ITPRID2: variants seen among roughly 807,000 people sequenced by gnomAD.
ITPRID2 encodes protein ITPRID2.
ITPRID2 carries 60 observed loss-of-function variants against 124.3 expected under a neutral mutation model. That is an observed-to-expected ratio of 0.48 (90% CI 0.39 to 0.60). The LOEUF (loss-of-function observed/expected upper bound fraction) is 0.60, where lower values mean the gene tolerates loss of function less well. Ranked by LOEUF, ITPRID2 falls within the 20% of genes least tolerant of loss-of-function variation. ITPRID2 has a pLI of 0.00. For synonymous variants in ITPRID2, 521 were observed against 542.9 expected, an observed-to-expected ratio of 0.96 and a Z score of 0.56; for missense variants, 1,553 against 1,512.2, an observed-to-expected ratio of 1.03 and a Z score of -0.45.
At chr2:181,918,158 T>G (rs765192740) in intron 11 of ITPRID2, 60 of 277,576 alleles carry the variant, frequency 2.2e-4, no homozygotes, top group Non-Finnish European at 3.1e-4. Context: ...ACCTTTTATG[T>G]TTTTATCTCA....
At chr2:181,923,668 G>A (rs1694649982) in intron 16 of ITPRID2, among the ~76,000 whole-genome samples, 1 of 151,812 alleles carries the variant, frequency 6.6e-6, no homozygotes, top group East Asian at 1.9e-4. Context: ...GAGGAAGTGG[G>A]TTTTAAGGTA....
chr2:181,922,092 G>C lies in ITPRID2; in HGVS notation c.3355G>C (p.Gly1119Arg). Residue 1119 changes from glycine (G) to arginine (R), a missense_variant, in exon 16 of 18, where the codon GGT (glycine) becomes CGT (arginine). Transcript: ENST00000431877. ...ATCAGAATCATCTTCTGTATGTTCTGGTCCCTCTCATGCTAACAGAAGAAC... is the reference window on the plus strand; with the variant it reads ...ATCAGAATCATCTTCTGTATGTTCTCGTCCCTCTCATGCTAACAGAAGAAC... The part of the protein sequence containing the change: ...ATSESSSVCS[G>R]PSHANRRTGV... 3 of 1,614,158 alleles carry C rather than the reference G, an allele frequency of 1.9e-6. No homozygotes were observed. Among genetic ancestry groups the C allele is most frequent in the East Asian group, 2.2e-5 (1 of 44,880 alleles).
chr2:181,919,926 T>C lies in ITPRID2; in HGVS notation c.3144+480T>C, dbSNP rs767505401. ...TGATACCTGTATATTTTCATACATATATATACATACACATACATATATGTA... is the reference window on the plus strand; with the variant it reads ...TGATACCTGTATATTTTCATACATACATATACATACACATACATATATGTA... On this transcript the variant is annotated intron_variant, in intron 14 of 17. Coordinates refer to ENST00000431877, the MANE Select transcript of ITPRID2 (RefSeq NM_001130445.3). This position sits in a 1 kb window ranked among gnomAD's most constrained non-coding sequence, Gnocchi z 4.2. Among the ~76,000 whole-genome samples, 2 of 152,062 alleles carry C rather than the reference T, an allele frequency of 1.3e-5. No individual in the cohort carries two copies. The highest frequency in any genetic ancestry group is 2.4e-5 in the African/African-American group (1 of 41,430).
Position 181,928,048 on chromosome 2 carries a change from C to A in ITPRID2, c.3676-113C>A. ...TCCCTCTCTGTATTGCAGGGAGATT[C>A]ACATGAAGGTGAAATTAAGAAATTG... On this transcript the variant is annotated intron_variant, in intron 16 of 17. Transcript: ENST00000431877. The A allele has an allele frequency of 1.0e-5, 7 of 678,924 alleles. No homozygotes were observed. In the South Asian group the frequency reaches 1.2e-4, roughly 11 times the overall value. The allele number at this position is 678,924 out of a possible 1,614,324, so 42.1% of individuals were successfully genotyped here. A position where few individuals can be genotyped will look rare whatever the true frequency, so the allele number is the denominator to read the frequency against.
rs181490633 is a variant in ITPRID2 at position 181,916,069 on chromosome 2, A to G, written c.2429A>G (p.Glu810Gly). 1.6e-4 allele frequency: 264 copies of G among 1,614,202 alleles called. No homozygotes were observed. The highest frequency in any genetic ancestry group is 1.5e-3 in the Admixed American group (91 of 60,022). ...ATCTCTCCATCATCTGTGAAGAAAG[A>G]AGAAGCCCCCCAGAGTGAGGCGCCG... is the stretch of plus-strand genomic sequence containing the variant. ...IFISPSSVKK[E>G]EAPQSEAPRV... The change falls in exon 11 of 18, where the codon GAA becomes GGA. Residue 810 changes from glutamate (E) to glycine (G), a missense_variant. Transcript: ENST00000431877.
intron 9 of ITPRID2, among the ~76,000 whole-genome samples, chr2:181,912,362 T>G (rs1693669294): frequency 6.6e-6 from 1 of 152,214 alleles, no homozygotes. Flanking sequence ...TCAGTACTGG[T>G]GGTAACAGCT....
chr2:181,929,437 G>T, intron 17 of ITPRID2, 124 bp from the exon 18 acceptor site: 1 of 560,612 alleles, frequency 1.8e-6, no homozygotes, highest in South Asian at 3.0e-5. Flanking sequence ...GATGTATAGA[G>T]ATTACAGGAT....
chr2:181,895,978 T>G (rs1692165074), intron 2 of ITPRID2, 52 bp from the exon 3 acceptor site: 4 of 1,531,442 alleles, frequency 2.6e-6, no homozygotes, highest in Non-Finnish European at 3.6e-6. Context: ...TAATGACAAC[T>G]TTCCAAATAG....
chr2:181,891,908 C>A lies in ITPRID2; in HGVS notation c.-159C>A. ...CTTCCCTCCCCTTCCTTCCCTCCCT[C>A]CCTCCCTGTCCCCTCCTCCTCCTCC... On this transcript the variant is annotated 5_prime_UTR_variant, in exon 1 of 18. Coordinates refer to ENST00000431877, the MANE Select transcript of ITPRID2 (RefSeq NM_001130445.3). 2.3e-6 allele frequency: 1 copy of A among 425,584 alleles called. No individual in the cohort carries two copies. The highest frequency in any genetic ancestry group is 4.3e-6 in the Non-Finnish European group (1 of 232,878). 26.4% of individuals were successfully genotyped at this position (425,584 alleles called of 1,614,324 possible).
Position 181,910,939 on chromosome 2 carries a change from G to C in ITPRID2, c.1486+968G>C, listed in dbSNP as rs146531210. On this transcript the variant is annotated intron_variant, in intron 9 of 17. Coordinates refer to ENST00000431877, the MANE Select transcript of ITPRID2 (RefSeq NM_001130445.3). The surrounding 1 kb of genome is among the most constrained non-coding windows in gnomAD (Gnocchi z 4.1). ...GTATGTGTTTCTGAGCTGAGTTCATGGTCATCAAGAAGTGTTTGCTTTAGA... is the reference window on the plus strand; with the variant it reads ...GTATGTGTTTCTGAGCTGAGTTCATCGTCATCAAGAAGTGTTTGCTTTAGA... Among the ~76,000 whole-genome samples, 3 of 152,216 alleles carry C rather than the reference G, an allele frequency of 2.0e-5. No homozygotes were observed. Among genetic ancestry groups the C allele is most frequent in the Non-Finnish European group, 4.4e-5 (3 of 67,996 alleles).
intron 8 of ITPRID2, among the ~76,000 whole-genome samples, chr2:181,909,181 C>T (rs1210882875): frequency 6.6e-6 from 1 of 152,130 alleles, no homozygotes; most frequent in Non-Finnish European, 1.5e-5. Context: ...TGGTTAATAT[C>T]TTTCATTATT....
chr2:181,929,640 A>C lies in ITPRID2; in HGVS notation c.*93A>C. ...GGTGGAGGTGTTATTTGTGCTTTAG[A>C]AGATACTTGCTGTTGAGCTGGGCTA... On this transcript the variant is annotated 3_prime_UTR_variant, in exon 18 of 18. Coordinates refer to ENST00000431877, the MANE Select transcript of ITPRID2 (RefSeq NM_001130445.3). 6.2e-7 allele frequency: 1 copy of C among 1,612,264 alleles called. No individual in the cohort carries two copies. The highest frequency in any genetic ancestry group is 8.5e-7 in the Non-Finnish European group (1 of 1,178,658).
Position 181,905,456 on chromosome 2 carries a change from A to G in ITPRID2, c.1413+2990A>G, listed in dbSNP as rs1036051998. Among the ~76,000 whole-genome samples, 1 of 152,182 alleles carries G rather than the reference A, an allele frequency of 6.6e-6. No individual in the cohort carries two copies. Among genetic ancestry groups the G allele is most frequent in the Non-Finnish European group, 1.5e-5 (1 of 68,026 alleles). On this transcript the variant is annotated intron_variant, in intron 8 of 17. Transcript: ENST00000431877. This position sits in a 1 kb window ranked among gnomAD's most constrained non-coding sequence, Gnocchi z 4.1. The stretch of plus-strand genomic sequence containing the variant: ...TCTTCTTGAATGGCTTATTTTGAAT[A>G]CGTCATGGTAACTCTCTGAAGCCAT...
intron 8 of ITPRID2, among the ~76,000 whole-genome samples, chr2:181,904,496 T>TAAAG (rs10652077): frequency 0.84 from 127,871 of 151,746 alleles, 54,360 homozygotes; most frequent in East Asian, 0.99. Context: ...GAACAATGGA[T>TAAAG]AAAGGAAATA....
At chr2:181,926,866 T>G (rs1420695349) in intron 16 of ITPRID2, among the ~76,000 whole-genome samples, 2 of 152,192 alleles carry the variant, frequency 1.3e-5, no homozygotes, top group Non-Finnish European at 2.9e-5. Flanking sequence ...GTGGTCCTAA[T>G]TCAGTATGTT....
rs1050075197 is a variant in ITPRID2 at position 181,905,826 on chromosome 2, C to T, written c.1413+3360C>T. Reference sequence around the variant, plus strand: ...TTATTGGTCTGAGTTAAAATAATCCCACATCAGTCAGATATTTGACAGATA... The same window carrying T: ...TTATTGGTCTGAGTTAAAATAATCCTACATCAGTCAGATATTTGACAGATA... On this transcript the variant is annotated intron_variant, in intron 8 of 17. Coordinates refer to ENST00000431877, the MANE Select transcript of ITPRID2 (RefSeq NM_001130445.3). The surrounding 1 kb of genome is among the most constrained non-coding windows in gnomAD (Gnocchi z 4.1). Among the ~76,000 whole-genome samples the T allele has an allele frequency of 1.3e-5, 2 of 152,120 alleles. No homozygotes were observed. Among genetic ancestry groups the T allele is most frequent in the African/African-American group, 4.8e-5 (2 of 41,422 alleles).
rs1559004481 is a variant in ITPRID2, at chr2:181,915,519, G to A, written c.1879G>A (p.Asp627Asn). The change falls in exon 11 of 18, where the codon GAT becomes AAT. Residue 627 changes from aspartate (D) to asparagine (N), a missense_variant. By Grantham distance (23) the Asp-to-Asn change is conservative. Coordinates refer to ENST00000431877, the MANE Select transcript of ITPRID2 (RefSeq NM_001130445.3). ...HIIEITEVEE[D>N]LFPAETVELL... is the part of the protein sequence containing the mutation. ...CATTGAAATTACTGAAGTGGAAGAG[G>A]ATTTGTTTCCAGCAGAGACAGTAGA... is the stretch of plus-strand genomic sequence containing the variant. The A allele has an allele frequency of 6.2e-7, 1 of 1,614,166 alleles. No individual in the cohort carries two copies. The highest frequency in any genetic ancestry group is 1.7e-5 in the Admixed American group (1 of 60,020).
At position 181,921,928 on chromosome 2, in the gene ITPRID2, C is replaced by T. The variant is rs1313133948; in HGVS notation, c.3211-20C>T. 6.3e-7 allele frequency: 1 copy of T among 1,593,788 alleles called. No homozygotes were observed. Among genetic ancestry groups the T allele is most frequent in the Non-Finnish European group, 8.5e-7 (1 of 1,169,742 alleles). ...TCTTAATTCCAAGAGAGAAGAATAA[C>T]ATTTTTTTATGATCTCCAGGTCACT... is the stretch of plus-strand genomic sequence containing the variant. On this transcript the variant is annotated intron_variant, in intron 15 of 17. Transcript: ENST00000431877.
chr2:181,891,902 C>T lies in ITPRID2; in HGVS notation c.-165C>T, dbSNP rs1329060841. On this transcript the variant is annotated 5_prime_UTR_variant, in exon 1 of 18. Transcript: ENST00000431877. ...CCGCCCCTTCCCTCCCCTTCCTTCCCTCCCTCCCTCCCTGTCCCCTCCTCC... is the reference window on the plus strand; with the variant it reads ...CCGCCCCTTCCCTCCCCTTCCTTCCTTCCCTCCCTCCCTGTCCCCTCCTCC... 4.0e-5 allele frequency: 16 copies of T among 398,668 alleles called. 3 individuals are homozygous for T. The East Asian group carries it at 5.3e-4, about 13-fold the overall frequency. The allele number at this position is 398,668 out of a possible 1,614,324, so 24.7% of individuals were successfully genotyped here. A position where few individuals can be genotyped will look rare whatever the true frequency, so the allele number is the denominator to read the frequency against.
Sources: gnomAD v4.1 joint callset for allele counts (sites outside exome capture counted in the v4.1 genomes callset) on GRCh38, gnomAD v4.1.1 for gene constraint, Gnocchi (gnomAD v3.1) non-coding constraint, MANE v1.5 for transcripts, NCBI Gene and HGNC (gene_info 2026-07-23, HGNC 2026-07-21) for gene names.